The following MAPT variants were observed in gnomAD, a reference collection of about 807,000 sequenced individuals.
MAPT encodes the protein microtubule associated protein tau, also known as microtubule-associated protein tau.
MAPT carries 34 observed loss-of-function variants against 67.9 expected under a neutral mutation model. The ratio of observed to expected loss-of-function variants is 0.50; its 90% CI spans 0.38 to 0.67. The LOEUF is 0.67. MAPT is among the 30% of genes least tolerant of loss of function. The pLI, the probability that MAPT is intolerant of heterozygous loss-of-function variation, is 0.00. For synonymous variants in MAPT, 456 were observed against 464.5 expected (o/e 0.98, Z 0.23); for missense variants, 881 against 1,115.2 (o/e 0.79, Z 2.99).
At chr17:46,019,905 G>A (rs2076415152) in intron 12 of MAPT, among the ~76,000 whole-genome samples, 1 of 151,596 alleles carries the variant, frequency 6.6e-6, no homozygotes, top group South Asian at 2.1e-4. Flanking sequence ...CCAGCTACTT[G>A]GGAGGCTGAG....
chr17:46,016,807 A>C (rs552233565), intron 11 of MAPT, among the ~76,000 whole-genome samples: 1 of 152,340 alleles, frequency 6.6e-6, no homozygotes, highest in South Asian at 2.1e-4. Context: ...AGTGCTGTCT[A>C]TACTTCTTTC....
intron 3 of MAPT, chr17:45,974,911 C>T (rs1195973677): frequency 5.2e-6 from 1 of 193,362 alleles, no homozygotes; most frequent in South Asian, 1.1e-4. Flanking sequence ...CTGGACCACA[C>T]CTTTTGGTGA....
intron 1 of MAPT, among the ~76,000 whole-genome samples, chr17:45,928,065 C>A (rs920413527): frequency 3.5e-5 from 5 of 144,394 alleles, no homozygotes; most frequent in Non-Finnish European, 7.6e-5. Context: ...CTCCTCCCAA[C>A]ATGTCCCTGT....
intron 10 of MAPT, among the ~76,000 whole-genome samples, chr17:46,013,949 CCT>C (rs2075991882): frequency 6.6e-6 from 1 of 152,078 alleles, no homozygotes; most frequent in Non-Finnish European, 1.5e-5. Context: ...ACAATGGGTC[CCT>C]GTTTTTCCCA....
rs1340739588 is a variant in MAPT, at chr17:45,965,060, T to G, written c.133+2590T>G. ...TTTCCTGACAAAGAGAGATGAAGAG[T>G]TCTCTCACCAGGTGCCTGGGACTGG... On this transcript the variant is annotated intron_variant, in intron 2 of 12. Coordinates refer to ENST00000262410, the MANE Select transcript of MAPT (RefSeq NM_001377265.1). Among the ~76,000 whole-genome samples, 4 of 152,020 alleles carry G rather than the reference T, an allele frequency of 2.6e-5. No homozygotes were observed. The East Asian group carries it at 7.8e-4, about 30-fold the overall frequency.
intron 9 of MAPT, among the ~76,000 whole-genome samples, chr17:46,001,217 T>C (rs956732297): frequency 1.8e-4 from 27 of 152,258 alleles, no homozygotes; most frequent in African/African-American, 6.0e-4. Flanking sequence ...CGAGACCCTG[T>C]ATCAAAAAAG....
chr17:45,986,495 G>A (rs2073554396), intron 5 of MAPT, among the ~76,000 whole-genome samples: 1 of 152,202 alleles, frequency 6.6e-6, no homozygotes, highest in Admixed American at 6.5e-5. Context: ...AAGGCCAAGA[G>A]GGTGAGCAGG....
At chr17:45,965,709 C>T (rs916803547) in intron 2 of MAPT, among the ~76,000 whole-genome samples, 1 of 141,818 alleles carries the variant, frequency 7.1e-6, no homozygotes, top group Middle Eastern at 3.3e-3. Flanking sequence ...AGCCACCGTG[C>T]CCAGTCAACT....
intron 1 of MAPT, chr17:45,895,692 T>A (rs972054579): frequency 6.6e-6 from 1 of 152,292 alleles, no homozygotes; most frequent in East Asian, 1.9e-4. Flanking sequence ...CGGCAGTGGG[T>A]GTGGACCCTG....
chr17:45,928,036 A>G (rs1032132357), intron 1 of MAPT, among the ~76,000 whole-genome samples: 1 of 146,842 alleles, frequency 6.8e-6, no homozygotes, highest in Non-Finnish European at 1.5e-5. Flanking sequence ...AAGCATCCTC[A>G]GCACTTTGGC....
At chr17:45,928,475 A>G (rs1314539698) in intron 1 of MAPT, among the ~76,000 whole-genome samples, 2 of 152,088 alleles carry the variant, frequency 1.3e-5, no homozygotes, top group Non-Finnish European at 2.9e-5. Context: ...TGCCTTCCCC[A>G]CAAGGCACCT....
intron 5 of MAPT, 36 bp from the exon 6 acceptor site, chr17:45,987,004 G>A: frequency 6.3e-7 from 1 of 1,584,166 alleles, no homozygotes; most frequent in Non-Finnish European, 8.7e-7. Context: ...AGTGAAAATG[G>A]AGTGTGACAA....
At chr17:45,935,651 C>G (rs111657647) in intron 1 of MAPT, among the ~76,000 whole-genome samples, 1 of 152,138 alleles carries the variant, frequency 6.6e-6, no homozygotes, top group Admixed American at 6.5e-5. Context: ...CTCTCTGATC[C>G]GGGCTCTTCC....
At chr17:45,913,323 A>C (rs753333286) in intron 1 of MAPT, among the ~76,000 whole-genome samples, 17 of 152,234 alleles carry the variant, frequency 1.1e-4, no homozygotes. Context: ...TCAAGAGAAC[A>C]GCACAGAAAA....
chr17:45,992,159 G>A (rs924208829), intron 8 of MAPT, among the ~76,000 whole-genome samples: 26 of 151,842 alleles, frequency 1.7e-4, no homozygotes, highest in Admixed American at 1.6e-3. Context: ...ACAGAAAAAG[G>A]AAAAAAAAGA....
chr17:45,945,674 G>T (rs892851639), intron 1 of MAPT, among the ~76,000 whole-genome samples: 13 of 152,248 alleles, frequency 8.5e-5, no homozygotes, highest in Admixed American at 7.2e-4. Flanking sequence ...TTAGCTGGGC[G>T]TGGTGGTGCA....
At chr17:46,013,829 T>C (rs62062270) in intron 10 of MAPT, among the ~76,000 whole-genome samples, 21,772 of 152,262 alleles carry the variant, frequency 0.14, 2,132 homozygotes, top group Non-Finnish European at 0.22. Flanking sequence ...ATCATATTGA[T>C]CACTTTTTTC....
chr17:45,980,200 T>C (rs1285171017), intron 4 of MAPT: 1 of 152,214 alleles, frequency 6.6e-6, no homozygotes. Context: ...AGGGAATCAA[T>C]AGAACATTCT....
intron 2 of MAPT, among the ~76,000 whole-genome samples, chr17:45,966,627 G>A (rs1378945173): frequency 1.3e-5 from 2 of 152,066 alleles, no homozygotes; most frequent in African/African-American, 4.8e-5. Flanking sequence ...AAAGAAGTAG[G>A]TTTTACCACT....
Sources: gnomAD v4.1 joint callset for allele counts (sites outside exome capture counted in the v4.1 genomes callset) on GRCh38, gnomAD v4.1.1 for gene constraint, MANE v1.5 for transcripts, NCBI Gene and HGNC (gene_info 2026-07-23, HGNC 2026-07-21) for gene names.